The following FAM118A variants were observed in gnomAD, a reference collection of about 807,000 sequenced individuals.
FAM118A encodes SIR2 antiphage like 2.
FAM118A carries 25 observed loss-of-function variants against 38.2 expected under a neutral mutation model. That is an observed-to-expected ratio of 0.65 (90% CI 0.48 to 0.91). The LOEUF is 0.91. Among genes scored for constraint, FAM118A ranks in the 40% least tolerant of loss-of-function variants. The pLI is 0.00. For missense variants in FAM118A, 425 were observed against 463.3 expected (o/e 0.92, Z 0.76); for synonymous variants, 178 against 184.1 (o/e 0.97, Z 0.27).
chr22:45,338,293 G>A (rs1295042758), intron 8 of FAM118A, among the ~76,000 whole-genome samples: 5 of 151,980 alleles, frequency 3.3e-5, no homozygotes, highest in Admixed American at 6.6e-5. Flanking sequence ...GCAGTGGCGC[G>A]ATCTCGGCTC....
At chr22:45,335,054 C>A in intron 6 of FAM118A, 2 of 426,186 alleles carry the variant, frequency 4.7e-6, no homozygotes, top group South Asian at 5.6e-5. Flanking sequence ...TACTCGAATT[C>A]ATGGAGTGCC....
At chr22:45,331,793 T>C (rs2085739700) in intron 5 of FAM118A, among the ~76,000 whole-genome samples, 1 of 152,110 alleles carries the variant, frequency 6.6e-6, no homozygotes, top group Admixed American at 6.6e-5. Context: ...CTCTCTGAGA[T>C]ATTTGGTTAG....
chr22:45,323,057 G>GTA, intron 2 of FAM118A, 118 bp from the exon 3 acceptor site: 3 of 1,023,968 alleles, frequency 2.9e-6, no homozygotes, highest in Non-Finnish European at 4.4e-6. Flanking sequence ...GTGTGTGTGT[G>GTA]TGTGTGTGTG....
Position 45,335,361 on chromosome 22 carries a change from G to A in FAM118A, c.949G>A (p.Val317Met), listed in dbSNP as rs781122385. ...TCTTTCTCCTTCAGATGCTGATCGCGTGGACAGCACCACATTATTGGGTAA... is the reference window on the plus strand; with the variant it reads ...TCTTTCTCCTTCAGATGCTGATCGCATGGACAGCACCACATTATTGGGTAA... Reference protein sequence around the residue: ...CKQQSPDADRVDSTTLLGNAC... With the variant: ...CKQQSPDADRMDSTTLLGNAC... The change falls in exon 7 of 9, where the codon GTG becomes ATG. Residue 317 changes from valine (V) to methionine (M), a missense_variant. Physicochemically the swap from Val to Met is conservative, Grantham distance 21 (BLOSUM62 1). Transcript: ENST00000441876. The A allele has an allele frequency of 3.7e-6, 6 of 1,614,110 alleles. No individual in the cohort carries two copies. Among genetic ancestry groups the A allele is most frequent in the African/African-American group, 1.3e-5 (1 of 74,944 alleles).
intron 1 of FAM118A, among the ~76,000 whole-genome samples, chr22:45,311,826 C>G (rs975754719): frequency 1.3e-5 from 2 of 152,028 alleles, no homozygotes; most frequent in Non-Finnish European, 1.5e-5. Context: ...TCTGAAAGCC[C>G]AGGCCCAGAA....
intron 2 of FAM118A, 101 bp from the exon 3 acceptor site, chr22:45,323,074 T>TGTAC: frequency 2.4e-6 from 3 of 1,256,000 alleles, no homozygotes; most frequent in Non-Finnish European, 3.4e-6. Flanking sequence ...TGTGTGTGTG[T>TGTAC]GTACACAGCA....
intron 1 of FAM118A, 94 bp from the exon 2 acceptor site, chr22:45,322,269 AGGACCTTT>A: frequency 6.3e-7 from 1 of 1,579,138 alleles, no homozygotes; most frequent in Non-Finnish European, 8.6e-7. Context: ...GTAAAGATTG[AGGACCTTT>A]GATTTTAATT....
chr22:45,322,080 G>A, intron 1 of FAM118A: 2 of 836,334 alleles, frequency 2.4e-6, no homozygotes, highest in South Asian at 1.6e-5. Context: ...CCAGCTCGGA[G>A]CCCACAGAGC....
intron 2 of FAM118A, 132 bp from the exon 3 acceptor site, chr22:45,323,043 G>GTGTA: frequency 4.5e-6 from 2 of 443,942 alleles, no homozygotes; most frequent in Non-Finnish European, 7.4e-6. Flanking sequence ...AGAGGGGACT[G>GTGTA]TGTGTGTGTG....
At chr22:45,334,003 C>A (rs1601979013) in intron 6 of FAM118A, among the ~76,000 whole-genome samples, 1 of 152,344 alleles carries the variant, frequency 6.6e-6, no homozygotes, top group African/African-American at 2.4e-5. Context: ...TATCTCATAT[C>A]TGTGTCCTAT....
intron 1 of FAM118A, among the ~76,000 whole-genome samples, chr22:45,314,664 ATG>A (rs2084527098): frequency 6.6e-6 from 1 of 152,212 alleles, no homozygotes; most frequent in Non-Finnish European, 1.5e-5. Context: ...CTTCTAGAAC[ATG>A]TCTTACGTAT....
At position 45,330,551 on chromosome 22, in the gene FAM118A, G is replaced by C; in HGVS notation, c.523-52G>C. 4.8e-6 allele frequency: 7 copies of C among 1,468,300 alleles called. 1 individual carries two copies. The South Asian group carries it at 1.0e-4, about 22-fold the overall frequency. 91.0% of individuals were successfully genotyped at this position (1,468,300 alleles called of 1,614,324 possible). On this transcript the variant is annotated intron_variant, in intron 4 of 8. Coordinates refer to ENST00000441876, the MANE Select transcript of FAM118A (RefSeq NM_017911.4). ...CCATTTTCAGTATTTTCTTCTCTCT[G>C]TTTGAAACAGTTTGAGGATGTGTTT...
At chr22:45,321,372 G>T (rs1365309350) in intron 1 of FAM118A, among the ~76,000 whole-genome samples, 1 of 151,974 alleles carries the variant, frequency 6.6e-6, no homozygotes, top group African/African-American at 2.4e-5. Flanking sequence ...ATTATTTCTA[G>T]AATTGGGGGG....
intron 1 of FAM118A, among the ~76,000 whole-genome samples, chr22:45,314,906 G>A (rs940028648): frequency 1.3e-5 from 2 of 152,200 alleles, no homozygotes; most frequent in African/African-American, 4.8e-5. Context: ...GAAGAAAGGC[G>A]CAAGAATATA....
chr22:45,335,371 C>T lies in FAM118A; in HGVS notation c.959C>T (p.Thr320Ile). 1 of 1,614,220 alleles carries T rather than the reference C, an allele frequency of 6.2e-7. No individual in the cohort carries two copies. Among genetic ancestry groups the T allele is most frequent in the Non-Finnish European group, 8.5e-7 (1 of 1,180,040 alleles). ...QSPDADRVDS[T>I]TLLGNACQDC... ...TCAGATGCTGATCGCGTGGACAGCACCACATTATTGGGTAAAGCAGATCTT... is the reference window on the plus strand; with the variant it reads ...TCAGATGCTGATCGCGTGGACAGCATCACATTATTGGGTAAAGCAGATCTT... The change falls in exon 7 of 9, where the codon ACC (threonine) becomes ATC (isoleucine). Residue 320 changes from threonine (T) to isoleucine (I), a missense_variant. Physicochemically the swap from Thr to Ile is moderately conservative, Grantham distance 89. Transcript: ENST00000441876.
At chr22:45,316,958 T>A (rs1044150950) in intron 1 of FAM118A, among the ~76,000 whole-genome samples, 1 of 152,228 alleles carries the variant, frequency 6.6e-6, no homozygotes. Context: ...GTGAGATGGA[T>A]GTAGTTTGAG....
rs181069896 is a variant in FAM118A, at chr22:45,338,378, C to T, written c.1054+1967C>T. Among the ~76,000 whole-genome samples, 1,431 of 152,090 alleles carry T rather than the reference C, an allele frequency of 9.4e-3. 21 individuals are homozygous for T. The highest frequency in any genetic ancestry group is 0.033 in the African/African-American group (1,359 of 41,380). Reference sequence around the variant, plus strand: ...CTGAGCAGCTGGGACTACAGTCGCACACCACCATGCCCGACTAATTTTGTA... The same window carrying T: ...CTGAGCAGCTGGGACTACAGTCGCATACCACCATGCCCGACTAATTTTGTA... On this transcript the variant is annotated intron_variant, in intron 8 of 8. Transcript: ENST00000441876.
At chr22:45,322,180 G>C in intron 1 of FAM118A, 191 bp from the exon 2 acceptor site, 3 of 1,512,066 alleles carry the variant, frequency 2.0e-6, no homozygotes, top group Non-Finnish European at 1.8e-6. Context: ...TGAGTCTCAT[G>C]AGATGAGGAA....
chr22:45,340,603 A>G lies in FAM118A; in HGVS notation c.*198A>G, dbSNP rs1333697544. On this transcript the variant is annotated 3_prime_UTR_variant, in exon 9 of 9. Coordinates refer to ENST00000441876, the MANE Select transcript of FAM118A (RefSeq NM_017911.4). ...GTGTGTTGAACTATGCAGGAGGGTGACGCGGACACATTTCAGGTGGACTTT... is the reference window on the plus strand; with the variant it reads ...GTGTGTTGAACTATGCAGGAGGGTGGCGCGGACACATTTCAGGTGGACTTT... 9 of 628,126 alleles carry G rather than the reference A, an allele frequency of 1.4e-5. No individual in the cohort carries two copies. Among genetic ancestry groups the G allele is most frequent in the Non-Finnish European group, 2.5e-5 (9 of 354,392 alleles). 38.9% of individuals were successfully genotyped at this position (628,126 alleles called of 1,614,324 possible). A position where few individuals can be genotyped will look rare whatever the true frequency, so the allele number is the denominator to read the frequency against.
Sources: allele counts gnomAD v4.1 joint callset (sites outside exome capture counted in the v4.1 genomes callset), GRCh38; gene constraint gnomAD v4.1.1; transcripts MANE v1.5; gene names NCBI Gene and HGNC (gene_info 2026-07-23, HGNC 2026-07-21).